The following CDH2 variants were observed in gnomAD, a reference collection of about 807,000 sequenced individuals.
CDH2 encodes the protein cadherin 2, also known as cadherin-2.
Under a neutral mutation model 92.0 loss-of-function variants are expected in CDH2, and 17 were observed. The ratio of observed to expected loss-of-function variants is 0.18; its 90% CI spans 0.13 to 0.28. CDH2 has a LOEUF of 0.28. CDH2 is among the 10% of genes least tolerant of loss of function. The pLI is 1.00. For missense variants in CDH2, 862 were observed against 1,133.1 expected, an observed-to-expected ratio of 0.76 and a Z score of 3.44; for synonymous variants, 419 against 415.9, an observed-to-expected ratio of 1.01 and a Z score of -0.09.
chr18:28,016,340 A>G (rs2144044584), intron 2 of CDH2, among the ~76,000 whole-genome samples: 1 of 152,312 alleles, frequency 6.6e-6, no homozygotes, highest in South Asian at 2.1e-4. Flanking sequence ...AGTGCTCATT[A>G]AATATCCACT....
chr18:27,965,389 G>A (rs938208639), intron 14 of CDH2, among the ~76,000 whole-genome samples: 6 of 152,200 alleles, frequency 3.9e-5, no homozygotes, highest in Admixed American at 6.5e-5. Context: ...CGCCAGAGTG[G>A]GATGTACATT....
intron 2 of CDH2, among the ~76,000 whole-genome samples, chr18:28,033,614 T>C (rs936528232): frequency 1.3e-5 from 2 of 152,116 alleles, no homozygotes; most frequent in Non-Finnish European, 2.9e-5. Context: ...ATCCCATTGG[T>C]TTGACATATT....
At chr18:27,995,289 G>A (rs2143984836) in intron 7 of CDH2, among the ~76,000 whole-genome samples, 1 of 148,076 alleles carries the variant, frequency 6.8e-6, no homozygotes, top group African/African-American at 2.5e-5. Flanking sequence ...GCTCCAGCCT[G>A]GGCGACAGAA....
At chr18:28,161,970 T>C (rs1395975248) in intron 1 of CDH2, among the ~76,000 whole-genome samples, 2 of 152,156 alleles carry the variant, frequency 1.3e-5, no homozygotes, top group African/African-American at 4.8e-5. Flanking sequence ...GGGAGCACTG[T>C]CAAAGATGGG....
intron 5 of CDH2, among the ~76,000 whole-genome samples, chr18:28,007,575 CT>C (rs954588690): frequency 7.2e-5 from 11 of 151,818 alleles, no homozygotes; most frequent in African/African-American, 2.4e-4. Flanking sequence ...AGAGATAATT[CT>C]TTTTTTTCCC....
chr18:28,089,413 C>A (rs910352803), intron 2 of CDH2, among the ~76,000 whole-genome samples: 6 of 152,058 alleles, frequency 3.9e-5, no homozygotes, highest in African/African-American at 1.4e-4. Context: ...ATTATAAAAT[C>A]TTCACATTTT....
At chr18:27,971,003 CAAG>C (rs1025932197) in intron 14 of CDH2, among the ~76,000 whole-genome samples, 3 of 152,084 alleles carry the variant, frequency 2.0e-5, no homozygotes, top group Non-Finnish European at 2.9e-5. Context: ...TTTGGGAGGC[CAAG>C]GAGGATGGAT....
chr18:27,977,731 G>T (rs899062489), intron 14 of CDH2, among the ~76,000 whole-genome samples: 12 of 152,160 alleles, frequency 7.9e-5, no homozygotes, highest in Non-Finnish European at 1.5e-4. Context: ...ACAACATGTG[G>T]TTCAGTTTAC....
intron 2 of CDH2, among the ~76,000 whole-genome samples, chr18:28,089,515 A>AT (rs1251857945): frequency 1.3e-5 from 2 of 152,090 alleles, no homozygotes; most frequent in African/African-American, 4.8e-5. Context: ...TTCCATAATC[A>AT]TTTTTTTAAC....
At chr18:28,045,907 A>C (rs2014065333) in intron 2 of CDH2, among the ~76,000 whole-genome samples, 1 of 152,186 alleles carries the variant, frequency 6.6e-6, no homozygotes, top group African/African-American at 2.4e-5. Context: ...AGTTCAGGTT[A>C]TTTTCTGGAG....
intron 14 of CDH2, among the ~76,000 whole-genome samples, chr18:27,969,744 C>T (rs1023688984): frequency 3.9e-5 from 6 of 152,298 alleles, no homozygotes; most frequent in African/African-American, 1.4e-4. Context: ...TGGCCGGGTG[C>T]GGCGGCTCAC....
chr18:28,081,117 A>G (rs766191015), intron 2 of CDH2, among the ~76,000 whole-genome samples: 33 of 152,148 alleles, frequency 2.2e-4, no homozygotes, highest in Non-Finnish European at 4.1e-4. Flanking sequence ...CCTGTACACC[A>G]CAGGAATTAG....
intron 2 of CDH2, among the ~76,000 whole-genome samples, chr18:28,024,978 A>C (rs2013511685): frequency 6.6e-6 from 1 of 152,210 alleles, no homozygotes; most frequent in Non-Finnish European, 1.5e-5. Context: ...AGTAAATGAT[A>C]AAATTTATAT....
chr18:28,096,443 A>T (rs965328082), intron 2 of CDH2, among the ~76,000 whole-genome samples: 2 of 151,772 alleles, frequency 1.3e-5, no homozygotes, highest in Non-Finnish European at 2.9e-5. Context: ...ACAATGATGA[A>T]GTAACTATGG....
At chr18:28,047,178 C>A (rs1271162332) in intron 2 of CDH2, among the ~76,000 whole-genome samples, 2 of 151,960 alleles carry the variant, frequency 1.3e-5, no homozygotes, top group Non-Finnish European at 2.9e-5. Flanking sequence ...TGTAGAGAAG[C>A]AACTAAGTTA....
At chr18:28,109,775 G>T (rs533546751) in intron 2 of CDH2, among the ~76,000 whole-genome samples, 1 of 152,230 alleles carries the variant, frequency 6.6e-6, no homozygotes, top group African/African-American at 2.4e-5. Context: ...GTAATCTGAA[G>T]ATCAAGAAGA....
intron 2 of CDH2, among the ~76,000 whole-genome samples, chr18:28,116,215 T>C (rs151008960): frequency 1.3e-5 from 2 of 152,258 alleles, no homozygotes; most frequent in Admixed American, 1.3e-4. Flanking sequence ...TCGGTAGGTG[T>C]ATTTTTTTTG....
chr18:27,997,258 G>A (rs1207876808), intron 7 of CDH2, among the ~76,000 whole-genome samples: 1 of 152,178 alleles, frequency 6.6e-6, no homozygotes, highest in African/African-American at 2.4e-5. Flanking sequence ...ATGAGGAGGT[G>A]AGAACATTCA....
At chr18:28,115,042 G>A (rs988309929) in intron 2 of CDH2, among the ~76,000 whole-genome samples, 2 of 152,158 alleles carry the variant, frequency 1.3e-5, no homozygotes, top group African/African-American at 2.4e-5. Flanking sequence ...ATGTTCCAGT[G>A]ATCTCCAAGA....
Sources: allele counts gnomAD v4.1 joint callset (sites outside exome capture counted in the v4.1 genomes callset), GRCh38; gene constraint gnomAD v4.1.1; transcripts MANE v1.5; gene names NCBI Gene and HGNC (gene_info 2026-07-23, HGNC 2026-07-21).